The following APBB2 variants were observed in gnomAD, a reference collection of about 807,000 sequenced individuals.
APBB2 encodes the protein amyloid beta precursor protein binding family B member 2.
APBB2 carries 38 observed loss-of-function variants against 82.5 expected under a neutral mutation model. The observed-to-expected ratio is 0.46, with a 90% CI of 0.36 to 0.60. The LOEUF (loss-of-function observed/expected upper bound fraction) is 0.60. Ranked by LOEUF, APBB2 falls within the 20% of genes least tolerant of loss-of-function variation. The pLI, the probability that APBB2 is intolerant of heterozygous loss-of-function variation, is 0.00. For missense variants in APBB2, 772 were observed against 972.3 expected, an observed-to-expected ratio of 0.79 and a Z score of 2.74; for synonymous variants, 341 against 368.2, an observed-to-expected ratio of 0.93 and a Z score of 0.85.
At chr4:41,000,105 G>GTGTGTGTGTGTGTGTA (rs10694468) in intron 6 of APBB2, among the ~76,000 whole-genome samples, 3,086 of 134,890 alleles carry the variant, frequency 0.023, 96 homozygotes, top group East Asian at 0.039. Context: ...GTGTGTGTGT[G>GTGTGTGTGTGTGTGTA]TATAAATTAG....
chr4:40,961,346 T>C (rs1026616724), intron 6 of APBB2, among the ~76,000 whole-genome samples: 3 of 151,420 alleles, frequency 2.0e-5, no homozygotes, highest in African/African-American at 4.9e-5. Context: ...AATTATAGAG[T>C]TGGGTTAAGA....
At chr4:41,212,915 T>C (rs997257775) in intron 1 of APBB2, among the ~76,000 whole-genome samples, 1 of 152,146 alleles carries the variant, frequency 6.6e-6, no homozygotes, top group Admixed American at 6.5e-5. Context: ...GTTGAACAAA[T>C]ATTGCTTACA....
chr4:40,989,184 C>T (rs1175437932), intron 6 of APBB2, among the ~76,000 whole-genome samples: 1 of 152,184 alleles, frequency 6.6e-6, no homozygotes, highest in Non-Finnish European at 1.5e-5. Context: ...TAGGAGGCAG[C>T]TATCCCATGT....
intron 4 of APBB2, among the ~76,000 whole-genome samples, chr4:41,046,136 T>C (rs1450646706): frequency 1.3e-5 from 2 of 152,140 alleles, no homozygotes; most frequent in African/African-American, 2.4e-5. Context: ...ATGAAAACTC[T>C]GGGGTAAAAG....
At position 41,012,869 on chromosome 4, in the gene APBB2, A is replaced by T. The variant is rs369940113; in HGVS notation, c.835+714T>A. On this transcript the variant is annotated intron_variant, in intron 6 of 17. Coordinates refer to ENST00000508593, the MANE Select transcript of APBB2 (RefSeq NM_004307.2). ...GGAGCTATAAGAAAATGATATTTAA[A>T]GTAGCTGACTTTTAGGATCCTGTTC... Among the ~76,000 whole-genome samples the T allele has an allele frequency of 1.2e-4, 18 of 152,334 alleles. No homozygotes were observed. In the East Asian group the frequency reaches 1.7e-3, roughly 15 times the overall value.
intron 1 of APBB2, among the ~76,000 whole-genome samples, chr4:41,203,906 T>C (rs1391442666): frequency 1.3e-5 from 2 of 152,172 alleles, no homozygotes; most frequent in Non-Finnish European, 2.9e-5. Context: ...CCAAACACTT[T>C]TACTCTATAT....
intron 12 of APBB2, among the ~76,000 whole-genome samples, chr4:40,845,859 T>A (rs1424775362): frequency 1.3e-5 from 2 of 152,048 alleles, no homozygotes; most frequent in Non-Finnish European, 2.9e-5. Context: ...TGAGCACACA[T>A]CACACCATTA....
At chr4:40,912,237 A>G (rs1292624089) in intron 10 of APBB2, among the ~76,000 whole-genome samples, 1 of 152,190 alleles carries the variant, frequency 6.6e-6, no homozygotes, top group Non-Finnish European at 1.5e-5. Context: ...ACTCCCAATC[A>G]CAATGCTTCT....
chr4:40,993,694 C>T (rs1802819373), intron 6 of APBB2, among the ~76,000 whole-genome samples: 1 of 152,022 alleles, frequency 6.6e-6, no homozygotes, highest in Non-Finnish European at 1.5e-5. Flanking sequence ...GCCACTTCTA[C>T]TTGATTCTAT....
intron 17 of APBB2, among the ~76,000 whole-genome samples, chr4:40,817,882 C>A (rs1746352200): frequency 6.6e-6 from 1 of 152,034 alleles, no homozygotes; most frequent in African/African-American, 2.4e-5. Context: ...TTTACTAGGC[C>A]CACATCACAA....
intron 6 of APBB2, among the ~76,000 whole-genome samples, chr4:40,949,114 A>G (rs1789335563): frequency 6.6e-6 from 1 of 152,030 alleles, no homozygotes; most frequent in African/African-American, 2.4e-5. Flanking sequence ...TCCCATCTTT[A>G]CAAAAATTAG....
chr4:41,071,623 G>A (rs989191423), intron 3 of APBB2, among the ~76,000 whole-genome samples: 1 of 152,120 alleles, frequency 6.6e-6, no homozygotes, highest in African/African-American at 2.4e-5. Context: ...AGAGGTTGCA[G>A]TGAGCAGAGA....
At chr4:41,124,475 G>A (rs368785487) in intron 2 of APBB2, among the ~76,000 whole-genome samples, 17 of 152,238 alleles carry the variant, frequency 1.1e-4, no homozygotes, top group Admixed American at 7.2e-4. Context: ...ATCCCAAAGT[G>A]CTGGGATTAC....
rs142381167 is a variant in APBB2, at chr4:41,190,448, C to T, written c.-417+23957G>A. On this transcript the variant is annotated intron_variant, in intron 1 of 17. Coordinates refer to ENST00000508593, the MANE Select transcript of APBB2 (RefSeq NM_004307.2). ...TATTTTTAGTAGACACAGGGTTTCACCGTGTTGGCCAGGCTGGTCTTCAAA... is the reference window on the plus strand; with the variant it reads ...TATTTTTAGTAGACACAGGGTTTCATCGTGTTGGCCAGGCTGGTCTTCAAA... Among the ~76,000 whole-genome samples the T allele has an allele frequency of 2.1e-3, 314 of 151,956 alleles. 1 individual carries two copies. The highest frequency in any genetic ancestry group is 3.0e-3 in the Non-Finnish European group (201 of 67,976).
At chr4:41,209,851 C>T (rs1242881246) in intron 1 of APBB2, among the ~76,000 whole-genome samples, 1 of 152,192 alleles carries the variant, frequency 6.6e-6, no homozygotes, top group Non-Finnish European at 1.5e-5. Flanking sequence ...TTGGACAAAG[C>T]AGTGACAAAC....
chr4:41,051,665 C>T (rs958872246), intron 4 of APBB2, among the ~76,000 whole-genome samples: 4 of 152,154 alleles, frequency 2.6e-5, no homozygotes, highest in African/African-American at 4.8e-5. Flanking sequence ...TCTTATTAAC[C>T]GTCCCGAAGG....
intron 4 of APBB2, among the ~76,000 whole-genome samples, chr4:41,065,111 AC>A (rs1246012248): frequency 6.6e-6 from 1 of 151,992 alleles, no homozygotes. Context: ...ACACAGCAAG[AC>A]CCCATCTCTA....
chr4:40,815,664 T>C lies in APBB2; in HGVS notation c.*428A>G, dbSNP rs116427525. 3,307 of 169,660 alleles carry C rather than the reference T, an allele frequency of 0.019. 117 individuals are homozygous for C. The highest frequency in any genetic ancestry group is 0.073 in the African/African-American group (3,086 of 42,302). 10.5% of individuals were successfully genotyped at this position (169,660 alleles called of 1,614,324 possible). ...CTGCTATGCAGTGCCTACTCCAATGTTGAAAACAGGGCAAAGTGCTGTAGG... is the reference window on the plus strand; with the variant it reads ...CTGCTATGCAGTGCCTACTCCAATGCTGAAAACAGGGCAAAGTGCTGTAGG... On this transcript the variant is annotated 3_prime_UTR_variant, in exon 18 of 18. Coordinates refer to ENST00000508593, the MANE Select transcript of APBB2 (RefSeq NM_004307.2).
Position 40,930,556 on chromosome 4 carries a change from C to T in APBB2, c.1254+3900G>A, listed in dbSNP as rs141283292. 2.7e-3 allele frequency among the ~76,000 whole-genome samples: 416 copies of T among 151,978 alleles called. 2 individuals carry two copies. Among genetic ancestry groups the T allele is most frequent in the African/African-American group, 9.4e-3 (389 of 41,372 alleles). On this transcript the variant is annotated intron_variant, in intron 10 of 17. Transcript: ENST00000508593. ...TTTCACTGAACAACTGATTAAGGTG[C>T]CCAGATTCAGAGTAGTAGCTGAAGA... is the stretch of plus-strand genomic sequence containing the variant.
Sources: gnomAD v4.1 joint callset for allele counts (sites outside exome capture counted in the v4.1 genomes callset) on GRCh38, gnomAD v4.1.1 for gene constraint, MANE v1.5 for transcripts, NCBI Gene and HGNC (gene_info 2026-07-23, HGNC 2026-07-21) for gene names.